The following HYDIN variants were observed in gnomAD, a reference collection of about 807,000 sequenced individuals.
HYDIN encodes axonemal central pair apparatus protein HYDIN.
Under a neutral mutation model 403.9 loss-of-function variants are expected in HYDIN, and 132 were observed. That is an observed-to-expected ratio of 0.33 (90% CI 0.28 to 0.38). HYDIN has a LOEUF of 0.38. Ranked by LOEUF, HYDIN falls within the 10% of genes least tolerant of loss-of-function variation. The pLI is 1.00. For missense variants in HYDIN, 2,827 were observed against 5,009.5 expected (o/e 0.56, Z 13.15); for synonymous variants, 1,202 against 1,891.7 (o/e 0.64, Z 9.46).
At chr16:70,933,825 A>C (rs2077422028) in intron 45 of HYDIN, 2 of 153,616 alleles carry the variant, frequency 1.3e-5, no homozygotes, top group Admixed American at 1.3e-4. Flanking sequence ...AATGCCCTTC[A>C]CTTCGTTTTG....
At chr16:71,210,382 A>G (rs1001122876) in intron 1 of HYDIN, among the ~76,000 whole-genome samples, 11 of 152,214 alleles carry the variant, frequency 7.2e-5, no homozygotes, top group African/African-American at 1.9e-4. Flanking sequence ...ACGTTAGACC[A>G]TTATGCTCAG....
chr16:71,098,688 G>A (rs2083360231), intron 10 of HYDIN, among the ~76,000 whole-genome samples: 1 of 142,082 alleles, frequency 7.0e-6, no homozygotes, highest in Non-Finnish European at 1.5e-5. Context: ...ATTTATAACT[G>A]TCAGGCCTAA....
chr16:70,833,937 C>A lies in HYDIN; in HGVS notation c.13629G>T (p.Thr4543=), dbSNP rs761905209. 8 of 1,613,354 alleles carry A rather than the reference C, an allele frequency of 5.0e-6. No homozygotes were observed. The highest frequency in any genetic ancestry group is 1.7e-5 in the Admixed American group (1 of 59,960). Residue 4543 remains threonine (T), a synonymous_variant, in exon 79 of 86, where the codon ACG becomes ACT. Transcript: ENST00000393567. ...TCATGAGGATGCGACGTGTGGCTTG[C>A]GTCTGATACACCACGGGTCCAAAGG... The part of the protein sequence containing the change: ...HIPFGPVVYQ[T]QATRRILMMN...
At chr16:71,047,885 T>A (rs1266304058) in intron 18 of HYDIN, among the ~76,000 whole-genome samples, 1 of 152,150 alleles carries the variant, frequency 6.6e-6, no homozygotes, top group Non-Finnish European at 1.5e-5. Context: ...AAATATACAA[T>A]ACAATATTGT....
chr16:71,181,575 G>A (rs939758233), intron 3 of HYDIN, among the ~76,000 whole-genome samples: 5 of 151,846 alleles, frequency 3.3e-5, no homozygotes, highest in African/African-American at 1.2e-4. Flanking sequence ...TTAATTTCTG[G>A]CTAATTGAAT....
At chr16:71,224,929 G>A (rs2040966615) in intron 1 of HYDIN, among the ~76,000 whole-genome samples, 1 of 152,164 alleles carries the variant, frequency 6.6e-6, no homozygotes, top group African/African-American at 2.4e-5. Flanking sequence ...TCTCATCAAT[G>A]AGTTGAAGTT....
Position 70,834,980 on chromosome 16 carries a change from A to ATATATATACACACATATATGTGTGTG in HYDIN, c.13401+695_13401+696insCACACACATATATGTGTGTATATATA, listed in dbSNP as rs1555539569. On this transcript the variant is annotated intron_variant, in intron 78 of 85. Transcript: ENST00000393567. Reference sequence around the variant, plus strand: ...TATATACACACATATATGTGTGTATATATATATATATACACACATATATAT... The same window carrying ATATATATACACACATATATGTGTGTG: ...TATATACACACATATATGTGTGTATATATATATACACACATATATGTGTGTGTATATATATATACACACATATATAT... Among the ~76,000 whole-genome samples the ATATATATACACACATATATGTGTGTG allele has an allele frequency of 4.7e-5, 6 of 128,620 alleles. 1 individual carries two copies. In the South Asian group the frequency reaches 8.5e-4, roughly 18 times the overall value. 84.4% of individuals were successfully genotyped at this position (128,620 alleles called of 152,430 possible).
At chr16:70,902,373 T>C (rs910204556) in intron 52 of HYDIN, among the ~76,000 whole-genome samples, 2 of 142,136 alleles carry the variant, frequency 1.4e-5, no homozygotes, top group Admixed American at 7.1e-5. Flanking sequence ...CTTCAGGAGG[T>C]TGGGATGGGT....
intron 71 of HYDIN, among the ~76,000 whole-genome samples, chr16:70,859,498 A>G (rs2039267952): frequency 1.3e-5 from 2 of 152,140 alleles, no homozygotes; most frequent in Non-Finnish European, 2.9e-5. Flanking sequence ...CTGAGGGCAC[A>G]GGAATTCTTA....
chr16:70,846,889 G>T (rs11075795), intron 75 of HYDIN, among the ~76,000 whole-genome samples: 8 of 119,428 alleles, frequency 6.7e-5, no homozygotes, highest in Non-Finnish European at 1.0e-4. Flanking sequence ...GTTTTCCATT[G>T]GCTTGGTAGA....
intron 23 of HYDIN, among the ~76,000 whole-genome samples, chr16:70,996,326 C>T (rs2079531777): frequency 6.6e-6 from 1 of 152,180 alleles, no homozygotes; most frequent in Admixed American, 6.5e-5. Context: ...GATGAGAAAC[C>T]CAACCCTTGC....
At chr16:71,008,424 T>C (rs1341638717) in intron 23 of HYDIN, among the ~76,000 whole-genome samples, 3 of 152,214 alleles carry the variant, frequency 2.0e-5, no homozygotes, top group Non-Finnish European at 4.4e-5. Flanking sequence ...GTTAGAATGA[T>C]GCCTGGCACA....
intron 7 of HYDIN, among the ~76,000 whole-genome samples, chr16:71,152,081 G>T (rs1433689782): frequency 6.6e-6 from 1 of 150,662 alleles, no homozygotes; most frequent in Admixed American, 6.6e-5. Context: ...TAAATTACCT[G>T]CAAATTTTAA....
intron 1 of HYDIN, among the ~76,000 whole-genome samples, chr16:71,198,605 A>G (rs755249262): frequency 5.3e-5 from 8 of 152,232 alleles, no homozygotes; most frequent in African/African-American, 1.9e-4. Context: ...CCAGTGAGTC[A>G]TATTATTCCA....
Position 70,930,970 on chromosome 16 carries a change from T to C in HYDIN, c.7158+4982A>G, listed in dbSNP as rs571588101. On this transcript the variant is annotated intron_variant, in intron 45 of 85. Transcript: ENST00000393567. The stretch of plus-strand genomic sequence containing the variant: ...TATGCCAACCCTGAGATGACTCAGA[T>C]GGAGGAACTGTCAGACAAGAACTAT... Among the ~76,000 whole-genome samples, 4 of 152,092 alleles carry C rather than the reference T, an allele frequency of 2.6e-5. No individual in the cohort carries two copies. In the East Asian group the frequency reaches 5.8e-4, roughly 22 times the overall value.
chr16:70,936,134 GA>G lies in HYDIN; in HGVS notation c.6996-21del. 3.1e-6 allele frequency: 3 copies of G among 961,888 alleles called. No homozygotes were observed. Among genetic ancestry groups the G allele is most frequent in the Non-Finnish European group, 4.9e-6 (3 of 606,886 alleles). The allele number at this position is 961,888 out of a possible 1,614,324, so 59.6% of individuals were successfully genotyped here. A position where few individuals can be genotyped will look rare whatever the true frequency, so the allele number is the denominator to read the frequency against. Reference sequence around the variant, plus strand: ...TGCTCCCTTCATCAAACCAGGCAGAGAAAAAACAGTTCAGGGGCCCCCATGC... The same window carrying G: ...TGCTCCCTTCATCAAACCAGGCAGAGAAAAACAGTTCAGGGGCCCCCATGC... On this transcript the variant is annotated intron_variant, in intron 44 of 85. Transcript: ENST00000393567.
chr16:71,053,455 G>A (rs1222364491), intron 18 of HYDIN, among the ~76,000 whole-genome samples: 3 of 152,124 alleles, frequency 2.0e-5, no homozygotes, highest in Non-Finnish European at 2.9e-5. Context: ...CATAATAAGT[G>A]GTAAATGGAG....
At chr16:70,985,432 T>C (rs1185943328) in intron 27 of HYDIN, 110 bp from the exon 28 acceptor site, 1 of 1,142,532 alleles carries the variant, frequency 8.8e-7, no homozygotes. Flanking sequence ...CTGATATAAA[T>C]ACTGGTCAAT....
In HYDIN at chr16:71,178,974, G is replaced by A. The variant is rs137865977; in HGVS notation, c.335C>T (p.Pro112Leu). 3.8e-5 allele frequency: 61 copies of A among 1,610,514 alleles called. No homozygotes were observed. Among genetic ancestry groups the A allele is most frequent in the South Asian group, 1.1e-5 (1 of 90,918 alleles). Reference protein sequence around the residue: ...PSEIIFQNYTPCEVYEVPLIL... With the variant: ...PSEIIFQNYTLCEVYEVPLIL... ...CAGTGGAACTTCATAGACTTCACAGGGAGTGTAGTTCTGAAATATAATTTC... is the reference window on the plus strand; with the variant it reads ...CAGTGGAACTTCATAGACTTCACAGAGAGTGTAGTTCTGAAATATAATTTC... Residue 112 changes from proline (P) to leucine (L), a missense_variant, in exon 4 of 86, where the codon CCC becomes CTC. Coordinates refer to ENST00000393567, the MANE Select transcript of HYDIN (RefSeq NM_001270974.2).
Sources: gnomAD v4.1 joint callset for allele counts (sites outside exome capture counted in the v4.1 genomes callset) on GRCh38, gnomAD v4.1.1 for gene constraint, MANE v1.5 for transcripts, NCBI Gene and HGNC (gene_info 2026-07-23, HGNC 2026-07-21) for gene names.